The following KIF6 variants were observed in gnomAD, a reference collection of about 807,000 sequenced individuals.
KIF6 encodes kinesin-like protein KIF6.
A neutral mutation model predicts 112.7 loss-of-function variants in KIF6; 106 were observed. The ratio of observed to expected loss-of-function variants is 0.94; its 90% CI spans 0.80 to 1.11. The LOEUF is 1.11. KIF6 is among the 50% of genes least tolerant of loss of function. The pLI, the probability that KIF6 is intolerant of heterozygous loss-of-function variation, is 0.00. For synonymous variants in KIF6, 339 were observed against 339.9 expected, an observed-to-expected ratio of 1.00 and a Z score of 0.03; for missense variants, 929 against 964.0, an observed-to-expected ratio of 0.96 and a Z score of 0.48.
At chr6:39,541,403 A>T (rs575351631) in intron 12 of KIF6, among the ~76,000 whole-genome samples, 1 of 152,342 alleles carries the variant, frequency 6.6e-6, no homozygotes, top group African/African-American at 2.4e-5. Context: ...AGAGAAGAAC[A>T]GGGCTCTGGC....
intron 3 of KIF6, among the ~76,000 whole-genome samples, chr6:39,680,823 C>CT (rs1787467521): frequency 6.6e-6 from 1 of 152,124 alleles, no homozygotes; most frequent in South Asian, 2.1e-4. Context: ...ATTTAAAACC[C>CT]TTTTTGTCCC....
chr6:39,594,126 G>A (rs1263973584), intron 7 of KIF6, among the ~76,000 whole-genome samples: 1 of 151,848 alleles, frequency 6.6e-6, no homozygotes, highest in African/African-American at 2.4e-5. Flanking sequence ...ACACGAGGCT[G>A]TCATTAAGAA....
chr6:39,637,364 G>C, intron 4 of KIF6, among the ~76,000 whole-genome samples: 1 of 151,940 alleles, frequency 6.6e-6, no homozygotes, highest in East Asian at 1.9e-4. Flanking sequence ...CCTTTTTAGT[G>C]TTTAGGATTG....
At chr6:39,450,701 G>A (rs549632252) in intron 13 of KIF6, among the ~76,000 whole-genome samples, 2 of 152,182 alleles carry the variant, frequency 1.3e-5, no homozygotes, top group South Asian at 4.2e-4. Context: ...GCTACTCAGG[G>A]GGCTGAGGTG....
At chr6:39,590,667 T>C (rs1781902150) in intron 7 of KIF6, among the ~76,000 whole-genome samples, 1 of 151,920 alleles carries the variant, frequency 6.6e-6, no homozygotes, top group Non-Finnish European at 1.5e-5. Context: ...GCCAGGCTGA[T>C]CTCAAACCCC....
At position 39,699,241 on chromosome 6, in the gene KIF6, G is replaced by A. The variant is rs138549299; in HGVS notation, c.251+15451C>T. On this transcript the variant is annotated intron_variant, in intron 3 of 22. Coordinates refer to ENST00000287152, the MANE Select transcript of KIF6 (RefSeq NM_145027.6). ...GAAAAAAAAAATGTGGCATCAGGTA[G>A]GGGAGTGAGGAATGCCATGGTGGTT... is the stretch of plus-strand genomic sequence containing the variant. Among the ~76,000 whole-genome samples the A allele has an allele frequency of 9.4e-4, 143 of 152,298 alleles. 1 individual carries two copies. The highest frequency in any genetic ancestry group is 3.1e-3 in the African/African-American group (130 of 41,566).
At chr6:39,613,758 G>T (rs1783349010) in intron 5 of KIF6, among the ~76,000 whole-genome samples, 1 of 152,070 alleles carries the variant, frequency 6.6e-6, no homozygotes. Flanking sequence ...ATTTCAAACT[G>T]GTTCACTTAC....
intron 13 of KIF6, among the ~76,000 whole-genome samples, chr6:39,439,158 G>C (rs561534188): frequency 6.6e-6 from 1 of 152,256 alleles, no homozygotes; most frequent in African/African-American, 2.4e-5. Flanking sequence ...TACTCTTGAA[G>C]GTATCATTAT....
intron 3 of KIF6, among the ~76,000 whole-genome samples, chr6:39,701,577 G>A (rs899800086): frequency 1.3e-5 from 2 of 152,190 alleles, no homozygotes; most frequent in Non-Finnish European, 2.9e-5. Context: ...CAAAACATAC[G>A]TTCAAAGATA....
Position 39,429,887 on chromosome 6 carries a change from A to G in KIF6, c.1754+1166T>C, listed in dbSNP as rs57272075. On this transcript the variant is annotated intron_variant, in intron 14 of 22. Transcript: ENST00000287152. ...CACACCACTGCACTCCAGGCTGGGCAACAGAGTGAGACTCTGTCTCAAAAA... is the reference window on the plus strand; with the variant it reads ...CACACCACTGCACTCCAGGCTGGGCGACAGAGTGAGACTCTGTCTCAAAAA... Among the ~76,000 whole-genome samples, 822 of 152,162 alleles carry G rather than the reference A, an allele frequency of 5.4e-3. 11 individuals are homozygous for G. The highest frequency in any genetic ancestry group is 0.019 in the African/African-American group (779 of 41,512).
intron 14 of KIF6, among the ~76,000 whole-genome samples, chr6:39,429,389 A>T (rs1013855067): frequency 1.3e-5 from 2 of 151,848 alleles, no homozygotes; most frequent in African/African-American, 4.8e-5. Context: ...TGTCAGCCCC[A>T]TCTTGATTTG....
chr6:39,687,067 C>T (rs1787913599), intron 3 of KIF6, among the ~76,000 whole-genome samples: 1 of 152,102 alleles, frequency 6.6e-6, no homozygotes, highest in Admixed American at 6.5e-5. Flanking sequence ...ACCCAGGATA[C>T]CTAGAGTCCA....
At chr6:39,399,712 G>A (rs1033556846) in intron 15 of KIF6, among the ~76,000 whole-genome samples, 12 of 152,258 alleles carry the variant, frequency 7.9e-5, no homozygotes, top group Non-Finnish European at 1.5e-4. Flanking sequence ...CTGCCTGAGG[G>A]TGTGTGGAAG....
Position 39,334,921 on chromosome 6 carries a change from T to C in KIF6, c.*1611A>G, listed in dbSNP as rs1043942191. ...TCCATTGAACTGTGAGGGCCAGGAG[T>C]GGACCAGAGATGCTGGCCCCTGTCC... On this transcript the variant is annotated 3_prime_UTR_variant, in exon 23 of 23. Transcript: ENST00000287152. 6 of 152,094 alleles carry C rather than the reference T, an allele frequency of 3.9e-5. No individual in the cohort carries two copies. The highest frequency in any genetic ancestry group is 1.4e-4 in the African/African-American group (6 of 41,394). The allele number at this position is 152,094 out of a possible 1,614,324, so 9.4% of individuals were successfully genotyped here.
At chr6:39,498,183 A>T (rs1030282242) in intron 13 of KIF6, among the ~76,000 whole-genome samples, 2 of 152,178 alleles carry the variant, frequency 1.3e-5, no homozygotes, top group African/African-American at 4.8e-5. Context: ...CACAATCTAC[A>T]TTAAAAAAAT....
chr6:39,715,712 A>G (rs556701521), intron 2 of KIF6, among the ~76,000 whole-genome samples: 1 of 152,120 alleles, frequency 6.6e-6, no homozygotes, highest in Admixed American at 6.6e-5. Context: ...GAGACAGCTG[A>G]CCTACCTCCA....
chr6:39,602,542 G>A (rs1782635819), intron 6 of KIF6, among the ~76,000 whole-genome samples: 1 of 152,080 alleles, frequency 6.6e-6, no homozygotes, highest in South Asian at 2.1e-4. Flanking sequence ...TTGTTAATTT[G>A]TTGACTCTTG....
chr6:39,552,025 A>AG (rs1196223779), intron 10 of KIF6, among the ~76,000 whole-genome samples: 1 of 152,256 alleles, frequency 6.6e-6, no homozygotes, highest in African/African-American at 2.4e-5. Context: ...CTCCTGAGTC[A>AG]GAATCTACAT....
At chr6:39,548,248 C>T (rs930272073) in intron 10 of KIF6, among the ~76,000 whole-genome samples, 4 of 152,314 alleles carry the variant, frequency 2.6e-5, no homozygotes, top group Middle Eastern at 6.8e-3. Flanking sequence ...AAGGAAACCT[C>T]GTAAGATACA....
Sources: allele counts gnomAD v4.1 joint callset (sites outside exome capture counted in the v4.1 genomes callset), GRCh38; gene constraint gnomAD v4.1.1; transcripts MANE v1.5; gene names NCBI Gene and HGNC (gene_info 2026-07-23, HGNC 2026-07-21).